NIPA1: variants seen among roughly 807,000 people sequenced by gnomAD.
NIPA1 encodes the protein magnesium transporter NIPA1.
A neutral mutation model predicts 23.9 loss-of-function variants in NIPA1; 13 were observed. The observed-to-expected ratio is 0.54, with a 90% confidence interval of 0.35 to 0.87. The LOEUF (loss-of-function observed/expected upper bound fraction) is 0.87. Among genes scored for constraint, NIPA1 ranks in the 40% least tolerant of loss-of-function variants. NIPA1 has a pLI of 0.01. For synonymous variants in NIPA1, 234 were observed against 202.9 expected (o/e 1.15, Z -1.30); for missense variants, 362 against 429.7 (o/e 0.84, Z 1.39).
intron 1 of NIPA1, among the ~76,000 whole-genome samples, chr15:22,789,515 C>G (rs1385002345): frequency 6.6e-5 from 10 of 152,246 alleles, no homozygotes; most frequent in African/African-American, 2.4e-4. Context: ...GGCAGAGTCA[C>G]TTACGGCTGA....
At position 22,824,401 on chromosome 15, in the gene NIPA1, CA is replaced by C; in HGVS notation, c.*163del. On this transcript the variant is annotated 3_prime_UTR_variant, in exon 5 of 5. Transcript: ENST00000337435. This position sits in a 1 kb window ranked among gnomAD's most constrained non-coding sequence, Gnocchi z 4.1. ...CGGGGAGCATGGCTCAGCACCAGAGCAGAGGCCCAGCCAGCCCTCTGCAGCC... is the reference window on the plus strand; with the variant it reads ...CGGGGAGCATGGCTCAGCACCAGAGCGAGGCCCAGCCAGCCCTCTGCAGCC... The C allele has an allele frequency of 1.4e-6, 1 of 705,094 alleles. No individual in the cohort carries two copies. Among genetic ancestry groups the C allele is most frequent in the South Asian group, 1.6e-5 (1 of 60,894 alleles). 43.7% of individuals were successfully genotyped at this position (705,094 alleles called of 1,614,324 possible).
chr15:22,826,854 A>G lies in NIPA1; in HGVS notation c.*2615A>G, dbSNP rs777571519. ...AGTTCATATCATCCATTGTTTTTCA[A>G]GCACGTGACACCAGCCTCAAAGTAA... On this transcript the variant is annotated 3_prime_UTR_variant, in exon 5 of 5. Transcript: ENST00000337435. 9.2e-5 allele frequency: 14 copies of G among 152,286 alleles called. No homozygotes were observed. Among genetic ancestry groups the G allele is most frequent in the Non-Finnish European group, 1.9e-4 (13 of 68,012 alleles). The allele number at this position is 152,286 out of a possible 1,614,324, so 9.4% of individuals were successfully genotyped here.
intron 1 of NIPA1, among the ~76,000 whole-genome samples, chr15:22,809,995 G>A (rs1228034094): frequency 6.6e-6 from 1 of 151,710 alleles, no homozygotes; most frequent in Non-Finnish European, 1.5e-5. Context: ...GCGGTGAGCC[G>A]ACATCGCGCC....
chr15:22,812,352 A>G (rs1487691798), intron 3 of NIPA1, 99 bp downstream of exon 3: 1 of 864,820 alleles, frequency 1.2e-6, no homozygotes, highest in East Asian at 2.8e-5. Context: ...CAAAATTGTA[A>G]TAGAAGATAG....
At position 22,809,744 on chromosome 15, in the gene NIPA1, G is replaced by GA. The variant is rs34782532; in HGVS notation, c.179-992dup. Among the ~76,000 whole-genome samples, 105 of 136,014 alleles carry GA rather than the reference G, an allele frequency of 7.7e-4. 1 individual carries two copies. The highest frequency in any genetic ancestry group is 9.1e-4 in the Non-Finnish European group (56 of 61,650). 89.2% of individuals were successfully genotyped at this position (136,014 alleles called of 152,430 possible). A position where few individuals can be genotyped will look rare whatever the true frequency, so the allele number is the denominator to read the frequency against. ...TGGGTGACAGAGTGAGACTCTGTCT[G>GA]AAAAAAAAAAAAAGGCCAGGCGCGG... On this transcript the variant is annotated intron_variant, in intron 1 of 4. Coordinates refer to ENST00000337435, the MANE Select transcript of NIPA1 (RefSeq NM_144599.5).
intron 1 of NIPA1, among the ~76,000 whole-genome samples, chr15:22,791,203 G>A (rs573657167): frequency 1.4e-4 from 22 of 152,198 alleles, no homozygotes; most frequent in African/African-American, 4.3e-4. Context: ...CAAGTTGCCC[G>A]CTTGGCCCTC....
chr15:22,798,098 C>T (rs1432067823), intron 1 of NIPA1, among the ~76,000 whole-genome samples: 2 of 151,934 alleles, frequency 1.3e-5, no homozygotes, highest in African/African-American at 4.8e-5. Context: ...CCCCCCGCCT[C>T]AGCCTCCTAA....
At chr15:22,804,289 A>G (rs1256888156) in intron 1 of NIPA1, among the ~76,000 whole-genome samples, 2 of 150,498 alleles carry the variant, frequency 1.3e-5, no homozygotes, top group African/African-American at 2.4e-5. Context: ...GGCCCGGCTA[A>G]TTTTTGTATT....
intron 1 of NIPA1, among the ~76,000 whole-genome samples, chr15:22,788,359 G>GTATTTT (rs1251022779): frequency 2.6e-5 from 4 of 151,918 alleles, no homozygotes. Flanking sequence ...AAATTATCCC[G>GTATTTT]GTGTGGTGGC....
In NIPA1 at chr15:22,825,748, A is replaced by G. The variant is rs1271791977; in HGVS notation, c.*1509A>G. ...TTTCTAACAAAAAGCCAATAAATGTAGCCATCTCCTTGTTGTTTGCAATGG... is the reference window on the plus strand; with the variant it reads ...TTTCTAACAAAAAGCCAATAAATGTGGCCATCTCCTTGTTGTTTGCAATGG... On this transcript the variant is annotated 3_prime_UTR_variant, in exon 5 of 5. Transcript: ENST00000337435. 1.3e-5 allele frequency: 2 copies of G among 152,652 alleles called. No individual in the cohort carries two copies. The highest frequency in any genetic ancestry group is 2.9e-5 in the Non-Finnish European group (2 of 68,042). The allele number at this position is 152,652 out of a possible 1,614,324, so 9.5% of individuals were successfully genotyped here.
chr15:22,798,835 CAAAAAAAAAAA>C (rs1206327395), intron 1 of NIPA1, among the ~76,000 whole-genome samples: 25 of 73,100 alleles, frequency 3.4e-4, no homozygotes, highest in African/African-American at 1.4e-3. Context: ...GACTCCGTCT[CAAAAAAAAAAA>C]AAAAAAAAAA....
intron 1 of NIPA1, among the ~76,000 whole-genome samples, chr15:22,802,383 C>T (rs1447374030): frequency 3.7e-5 from 4 of 107,602 alleles, no homozygotes; most frequent in African/African-American, 1.7e-4. Context: ...CAGAGTGAGA[C>T]TCTGTCTCAA....
chr15:22,799,030 A>G lies in NIPA1; in HGVS notation c.179-11719A>G, dbSNP rs568246255. 2.6e-5 allele frequency among the ~76,000 whole-genome samples: 4 copies of G among 152,146 alleles called. No homozygotes were observed. In the South Asian group the frequency reaches 8.3e-4, roughly 32 times the overall value. The stretch of plus-strand genomic sequence containing the variant: ...GGAAAACAGGATGGAGATTTTTCAA[A>G]GAACTAAAAGTAGATCTACCATTCA... On this transcript the variant is annotated intron_variant, in intron 1 of 4. Coordinates refer to ENST00000337435, the MANE Select transcript of NIPA1 (RefSeq NM_144599.5).
At chr15:22,806,344 T>A (rs1467787372) in intron 1 of NIPA1, among the ~76,000 whole-genome samples, 2 of 152,236 alleles carry the variant, frequency 1.3e-5, no homozygotes, top group Non-Finnish European at 2.9e-5. Context: ...AAGGCTCTTT[T>A]GTGTTTGCAC....
rs989012242 is a variant in NIPA1, at chr15:22,810,677, T to A, written c.179-72T>A. Reference sequence around the variant, plus strand: ...AGTTTTCATGTCAAAAGTTTCTCGCTTGTAAACCTCTTCCTGATATACGTA... The same window carrying A: ...AGTTTTCATGTCAAAAGTTTCTCGCATGTAAACCTCTTCCTGATATACGTA... On this transcript the variant is annotated intron_variant, in intron 1 of 4. Transcript: ENST00000337435. 3.1e-5 allele frequency: 28 copies of A among 895,378 alleles called. 1 individual carries two copies. The African/African-American group carries it at 4.3e-4, about 14-fold the overall frequency. The allele number at this position is 895,378 out of a possible 1,614,324, so 55.5% of individuals were successfully genotyped here.
intron 1 of NIPA1, among the ~76,000 whole-genome samples, chr15:22,801,181 G>A (rs947018546): frequency 1.3e-5 from 2 of 152,044 alleles, no homozygotes; most frequent in African/African-American, 4.8e-5. Flanking sequence ...CCTGTTAGAT[G>A]TTCTTTGCAA....
intron 3 of NIPA1, 44 bp downstream of exon 3, chr15:22,812,297 T>C (rs758250119): frequency 1.5e-6 from 2 of 1,332,672 alleles, no homozygotes; most frequent in South Asian, 1.2e-5. Flanking sequence ...GTAGTGTAGA[T>C]ATAACAACTT....
rs2073333423 is a variant in NIPA1 at position 22,828,583 on chromosome 15, A to G, written c.*4344A>G. 1 of 152,606 alleles carries G rather than the reference A, an allele frequency of 6.6e-6. No homozygotes were observed. The highest frequency in any genetic ancestry group is 2.4e-5 in the African/African-American group (1 of 41,444). The allele number at this position is 152,606 out of a possible 1,614,324, so 9.5% of individuals were successfully genotyped here. On this transcript the variant is annotated 3_prime_UTR_variant, in exon 5 of 5. Coordinates refer to ENST00000337435, the MANE Select transcript of NIPA1 (RefSeq NM_144599.5). Reference sequence around the variant, plus strand: ...ATTCCTCACGTGCAACAACATAATTATATTTTAAGAAAATGTAACTTTGTT... The same window carrying G: ...ATTCCTCACGTGCAACAACATAATTGTATTTTAAGAAAATGTAACTTTGTT...
At chr15:22,799,598 C>T (rs570183814) in intron 1 of NIPA1, among the ~76,000 whole-genome samples, 13 of 151,974 alleles carry the variant, frequency 8.6e-5, no homozygotes, top group East Asian at 5.8e-4. Context: ...CTGGCTAACA[C>T]GGTGAAACCC....
Sources: allele counts gnomAD v4.1 joint callset (sites outside exome capture counted in the v4.1 genomes callset), GRCh38; gene constraint gnomAD v4.1.1; non-coding constraint Gnocchi (gnomAD v3.1); transcripts MANE v1.5; gene names NCBI Gene and HGNC (gene_info 2026-07-23, HGNC 2026-07-21).